The following DUSP22 variants were observed in gnomAD, a reference collection of about 807,000 sequenced individuals.
DUSP22 encodes the protein dual specificity protein phosphatase 22.
In DUSP22, 24 loss-of-function variants were observed where a neutral mutation model predicts 24.5. The ratio of observed to expected loss-of-function variants is 0.98; its 90% CI spans 0.71 to 1.38. The LOEUF is 1.38. DUSP22 is among the 40% of genes most tolerant of loss of function. The pLI, the probability that DUSP22 is intolerant of heterozygous loss-of-function variation, is 0.00. For synonymous variants in DUSP22, 160 were observed against 106.4 expected, an observed-to-expected ratio of 1.50 and a Z score of -3.10; for missense variants, 330 against 269.2, an observed-to-expected ratio of 1.23 and a Z score of -1.58.
chr6:339,738 G>A (rs1759517686), intron 4 of DUSP22, among the ~76,000 whole-genome samples: 1 of 152,308 alleles, frequency 6.6e-6, no homozygotes, highest in East Asian at 1.9e-4. Context: ...GAAAACATCG[G>A]TAAAACGTCC....
At chr6:297,218 G>A (rs1455160465) in intron 1 of DUSP22, among the ~76,000 whole-genome samples, 2 of 152,302 alleles carry the variant, frequency 1.3e-5, no homozygotes, top group Admixed American at 6.5e-5. Flanking sequence ...TAGGTGGTTA[G>A]CTAATCCAGT....
rs1407736386 is a variant in DUSP22 at position 349,299 on chromosome 6, G to A, written c.*348G>A. 13 of 1,217,100 alleles carry A rather than the reference G, an allele frequency of 1.1e-5. No individual in the cohort carries two copies. Among genetic ancestry groups the A allele is most frequent in the South Asian group, 2.2e-5 (1 of 44,648 alleles). 75.4% of individuals were successfully genotyped at this position (1,217,100 alleles called of 1,614,324 possible). On this transcript the variant is annotated 3_prime_UTR_variant, in exon 7 of 7. Transcript: ENST00000419235. ...GGTATGTGCACCTAAGTGTGTACAT[G>A]TGTGTATGTTGTGAAAGTGTCTGTG...
chr6:295,688 T>C (rs1757292356), intron 1 of DUSP22, among the ~76,000 whole-genome samples: 1 of 152,072 alleles, frequency 6.6e-6, no homozygotes, highest in Admixed American at 6.6e-5. Flanking sequence ...TAGTCCCAGC[T>C]ACTTGGGAGG....
chr6:348,772 C>T lies in DUSP22; in HGVS notation c.439C>T (p.Arg147Trp), dbSNP rs367730431. ...GGTTTGTTTCCATCCTCTCCAGTATCGGCAGTGGCTGAAGGAAGAATATGG... is the reference window on the plus strand; with the variant it reads ...GGTTTGTTTCCATCCTCTCCAGTATTGGCAGTGGCTGAAGGAAGAATATGG... ...EFEKHEVHQY[R>W]QWLKEEYGES... is the part of the protein sequence containing the mutation. The change falls in exon 7 of 7, where the codon CGG (arginine) becomes TGG (tryptophan). Residue 147 changes from arginine to tryptophan, a missense_variant. Coordinates refer to ENST00000419235, the MANE Select transcript of DUSP22 (RefSeq NM_001286555.3). The T allele has an allele frequency of 2.1e-5, 34 of 1,614,146 alleles. No individual in the cohort carries two copies. The highest frequency in any genetic ancestry group is 3.3e-4 in the Middle Eastern group (2 of 6,082).
intron 2 of DUSP22, among the ~76,000 whole-genome samples, chr6:311,214 G>A (rs1314083991): frequency 6.6e-6 from 1 of 152,296 alleles, no homozygotes; most frequent in African/African-American, 2.4e-5. Flanking sequence ...ATCAGTCTAG[G>A]GACCACATAG....
intron 1 of DUSP22, among the ~76,000 whole-genome samples, chr6:302,537 A>T (rs1164760544): frequency 6.6e-6 from 1 of 152,296 alleles, no homozygotes; most frequent in Non-Finnish European, 1.5e-5. Context: ...TGGTCAGGTC[A>T]CCTCCACTTT....
intron 3 of DUSP22, among the ~76,000 whole-genome samples, chr6:318,493 A>G (rs1758432617): frequency 6.6e-6 from 1 of 152,300 alleles, no homozygotes; most frequent in African/African-American, 2.4e-5. Flanking sequence ...CTCCAGCCCT[A>G]CCTTTTCCCT....
At chr6:331,654 T>A (rs566669388) in intron 3 of DUSP22, among the ~76,000 whole-genome samples, 2 of 152,430 alleles carry the variant, frequency 1.3e-5, no homozygotes, top group Non-Finnish European at 2.9e-5. Context: ...ACTGGGGGAC[T>A]CATGCTGCTT....
chr6:295,360 G>C (rs537365907), intron 1 of DUSP22, among the ~76,000 whole-genome samples: 1 of 152,268 alleles, frequency 6.6e-6, no homozygotes, highest in African/African-American at 2.4e-5. Flanking sequence ...TCTTCTTGTC[G>C]GTCCGTTCCG....
At chr6:330,330 A>G (rs374497120) in intron 3 of DUSP22, among the ~76,000 whole-genome samples, 218 of 152,364 alleles carry the variant, frequency 1.4e-3, no homozygotes, top group African/African-American at 5.1e-3. Context: ...CTGTCCTGTA[A>G]CTGGTTTCTG....
At chr6:344,076 GAC>G (rs1448649175) in intron 4 of DUSP22, among the ~76,000 whole-genome samples, 2 of 152,296 alleles carry the variant, frequency 1.3e-5, no homozygotes, top group African/African-American at 2.4e-5. Flanking sequence ...AGTGGCAGGG[GAC>G]ACACATGCTG....
chr6:304,641 T>C lies in DUSP22; in HGVS notation c.35T>C (p.Leu12Pro), dbSNP rs1433506443. ...TCTCTCTCCTAGATCCTGCCCGGCC[T>C]GTACATCGGCAACTTCAAAGGTGAG... ...GNGMNKILPG[L>P]YIGNFKDARD... The change falls in exon 2 of 7, where the codon CTG becomes CCG. Residue 12 changes from leucine to proline, a missense_variant. Leu to Pro is a moderately conservative substitution (Grantham distance 98). Coordinates refer to ENST00000419235, the MANE Select transcript of DUSP22 (RefSeq NM_001286555.3). The C allele has an allele frequency of 6.2e-7, 1 of 1,614,148 alleles. No individual in the cohort carries two copies. The highest frequency in any genetic ancestry group is 8.5e-7 in the Non-Finnish European group (1 of 1,180,034).
chr6:336,646 T>C (rs554631604), intron 4 of DUSP22, among the ~76,000 whole-genome samples: 1 of 152,426 alleles, frequency 6.6e-6, no homozygotes, highest in African/African-American at 2.4e-5. Context: ...CTGGAGCCAC[T>C]GTGTGCTCCC....
At chr6:304,199 C>G (rs1021498006) in intron 1 of DUSP22, among the ~76,000 whole-genome samples, 6 of 152,308 alleles carry the variant, frequency 3.9e-5, no homozygotes, top group African/African-American at 1.4e-4. Flanking sequence ...GGGGCCAACC[C>G]TGGACTTGGG....
At chr6:306,039 C>G (rs370831842) in intron 2 of DUSP22, among the ~76,000 whole-genome samples, 1 of 152,426 alleles carries the variant, frequency 6.6e-6, no homozygotes, top group African/African-American at 2.4e-5. Context: ...CTGCTAATTG[C>G]TACAAGAACA....
chr6:324,721 G>A (rs927226844), intron 3 of DUSP22, among the ~76,000 whole-genome samples: 1 of 152,306 alleles, frequency 6.6e-6, no homozygotes, highest in Admixed American at 6.5e-5. Context: ...CCAGAGGGAG[G>A]ATGTGGTGTT....
intron 3 of DUSP22, among the ~76,000 whole-genome samples, chr6:331,380 G>GT (rs1759132276): frequency 6.6e-6 from 1 of 152,296 alleles, no homozygotes; most frequent in Non-Finnish European, 1.5e-5. Context: ...AAACATTGCT[G>GT]TTATCTTCAT....
At chr6:306,731 A>G (rs1435698142) in intron 2 of DUSP22, among the ~76,000 whole-genome samples, 1 of 152,312 alleles carries the variant, frequency 6.6e-6, no homozygotes. Context: ...TGTTCATTGC[A>G]CAAGCTTATC....
At chr6:348,067 A>G (rs990242603) in intron 5 of DUSP22, 36 bp from the exon 6 acceptor site, 2 of 1,610,814 alleles carry the variant, frequency 1.2e-6, no homozygotes, top group Non-Finnish European at 1.7e-6. Context: ...GAGATCTGAA[A>G]CTGCCCTCAC....
Sources: gnomAD v4.1 joint callset for allele counts (sites outside exome capture counted in the v4.1 genomes callset) on GRCh38, gnomAD v4.1.1 for gene constraint, MANE v1.5 for transcripts, NCBI Gene and HGNC (gene_info 2026-07-23, HGNC 2026-07-21) for gene names.